LDHB: variants seen among roughly 807,000 people sequenced by gnomAD.
LDHB encodes lactate dehydrogenase B, also known as L-lactate dehydrogenase B chain.
A neutral mutation model predicts 33.4 loss-of-function variants in LDHB; 18 were observed. That is an observed-to-expected ratio of 0.54 (90% CI 0.37 to 0.80). The LOEUF (loss-of-function observed/expected upper bound fraction) is 0.80. LDHB is among the 30% of genes least tolerant of loss of function. The probability of loss-of-function intolerance (pLI) is 0.00; values close to 1 mark genes in which losing one functional copy is unlikely to be tolerated. For synonymous variants in LDHB, 121 were observed against 140.6 expected (o/e 0.86, Z 0.98); for missense variants, 345 against 407.9 (o/e 0.85, Z 1.33).
At chr12:21,655,006 A>G (rs995829657) in intron 1 of LDHB, among the ~76,000 whole-genome samples, 3 of 152,114 alleles carry the variant, frequency 2.0e-5, no homozygotes, top group Non-Finnish European at 2.9e-5. Context: ...CTGTAGTCCT[A>G]ACTACTCAGG....
At chr12:21,639,181 G>A (rs1424976097) in intron 5 of LDHB, among the ~76,000 whole-genome samples, 1 of 151,844 alleles carries the variant, frequency 6.6e-6, no homozygotes, top group Admixed American at 6.6e-5. Flanking sequence ...GCAAGTTAGG[G>A]TAATTGGATA....
Position 21,642,008 on chromosome 12 carries a change from C to T in LDHB, c.539G>A (p.Gly180Asp). 1 of 1,613,538 alleles carries T rather than the reference C, an allele frequency of 6.2e-7. No homozygotes were observed. Among genetic ancestry groups the T allele is most frequent in the Non-Finnish European group, 8.5e-7 (1 of 1,179,692 alleles). ...TCCATGGCAGCTGCTGGGATGAATG[C>T]CAAGTTTTTCAGCCATAAGGTAGCG... ...RFRYLMAEKLGIHPSSCHGWI... is the reference protein window; with the variant it reads ...RFRYLMAEKLDIHPSSCHGWI... The change falls in exon 5 of 8, where the codon GGC (glycine) becomes GAC (aspartate). Residue 180 changes from glycine to aspartate, a missense_variant. Transcript: ENST00000350669.
chr12:21,636,639 G>T (rs998614774), intron 7 of LDHB, among the ~76,000 whole-genome samples: 2 of 151,976 alleles, frequency 1.3e-5, no homozygotes. Flanking sequence ...TTTTAGTTTT[G>T]TTTAAAAAAT....
chr12:21,642,072 C>T lies in LDHB; in HGVS notation c.475G>A (p.Val159Met), dbSNP rs774614448. ...TCCAGATTACATCCACTTCCAATCA[C>T]GCGGTGTTTGGGTAATCCACTTAGT... ...WKLSGLPKHR[V>M]IGSGCNLDSA... is the part of the protein sequence containing the mutation. Residue 159 changes from valine (V) to methionine (M), a missense_variant, in exon 5 of 8, where the codon GTG becomes ATG. Physicochemically the swap from Val to Met is conservative, Grantham distance 21 (BLOSUM62 1). Coordinates refer to ENST00000350669, the MANE Select transcript of LDHB (RefSeq NM_002300.8). The T allele has an allele frequency of 1.3e-5, 21 of 1,613,348 alleles. No individual in the cohort carries two copies. Among genetic ancestry groups the T allele is most frequent in the Admixed American group, 3.3e-5 (2 of 59,932 alleles).
intron 3 of LDHB, 90 bp downstream of exon 3, chr12:21,646,809 A>C (rs1938539069): frequency 1.3e-6 from 1 of 794,832 alleles, no homozygotes; most frequent in Admixed American, 1.7e-5. Context: ...CTACTTACAA[A>C]TAAATCTATT....
chr12:21,652,970 C>A (rs1292610272), intron 2 of LDHB, among the ~76,000 whole-genome samples: 1 of 152,160 alleles, frequency 6.6e-6, no homozygotes. Context: ...GTTATTCAGG[C>A]AGCCTTTACA....
At chr12:21,656,769 G>A (rs1938857424) in intron 1 of LDHB, among the ~76,000 whole-genome samples, 1 of 152,102 alleles carries the variant, frequency 6.6e-6, no homozygotes, top group Admixed American at 6.5e-5. Context: ...CAACATCAGA[G>A]TGCAGGCTGT....
intron 2 of LDHB, among the ~76,000 whole-genome samples, chr12:21,654,017 C>G (rs138774913): frequency 6.6e-6 from 1 of 152,306 alleles, no homozygotes; most frequent in African/African-American, 2.4e-5. Context: ...AAGGACATGA[C>G]ATCACCTAGT....
chr12:21,641,566 T>C (rs191117608), intron 5 of LDHB, among the ~76,000 whole-genome samples: 25 of 152,310 alleles, frequency 1.6e-4, no homozygotes, highest in Non-Finnish European at 3.1e-4. Flanking sequence ...GAGGACACTA[T>C]TGAGACAGTT....
chr12:21,655,975 G>A lies in LDHB; in HGVS notation c.-6-1298C>T, dbSNP rs142940121. On this transcript the variant is annotated intron_variant, in intron 1 of 7. Transcript: ENST00000350669. ...TTCTTCACAATTATTACTTATAATT[G>A]TAGTAGCCCATTGTAATGTCCATGA... 2.5e-3 allele frequency among the ~76,000 whole-genome samples: 377 copies of A among 152,264 alleles called. 2 individuals carry two copies. Among genetic ancestry groups the A allele is most frequent in the African/African-American group, 8.5e-3 (354 of 41,538 alleles).
chr12:21,655,365 T>C lies in LDHB; in HGVS notation c.-6-688A>G, dbSNP rs77683796. Among the ~76,000 whole-genome samples, 1,024 of 152,370 alleles carry C rather than the reference T, an allele frequency of 6.7e-3. 9 individuals carry two copies. The highest frequency in any genetic ancestry group is 0.023 in the African/African-American group (966 of 41,586). ...ATGTAAACTAAGTTTGGGTCTAGTA[T>C]TGACTCATACTTAAGCTTGGATAAA... On this transcript the variant is annotated intron_variant, in intron 1 of 7. Transcript: ENST00000350669.
chr12:21,635,754 G>C, intron 7 of LDHB, 45 bp from the exon 8 acceptor site: 2 of 1,579,712 alleles, frequency 1.3e-6, no homozygotes, highest in Non-Finnish European at 1.7e-6. Flanking sequence ...GAAACTGTAA[G>C]TAAAAATGAT....
At position 21,654,517 on chromosome 12, in the gene LDHB, T is replaced by A. The variant is rs552949573; in HGVS notation, c.129+26A>T. The A allele has an allele frequency of 3.7e-6, 6 of 1,612,002 alleles. No homozygotes were observed. In the Admixed American group the frequency reaches 6.7e-5, roughly 18 times the overall value. On this transcript the variant is annotated intron_variant, in intron 2 of 7. Transcript: ENST00000350669. Reference sequence around the variant, plus strand: ...TGTGTATACATGCTGAACTTCTCTATCATCTATGGTGTTCTTGAAATGTAC... The same window carrying A: ...TGTGTATACATGCTGAACTTCTCTAACATCTATGGTGTTCTTGAAATGTAC...
chr12:21,635,558 T>G lies in LDHB; in HGVS notation c.989A>C (p.Asp330Ala). ...GCTCACTAGTCACAGGTCTTTTAGG[T>G]CCTTCTGGATGTCCCACAGGGTATC... Reference protein sequence around the residue: ...SADTLWDIQKDLKDL With the variant: ...SADTLWDIQKALKDL The change falls in exon 8 of 8, where the codon GAC becomes GCC. Residue 330 changes from aspartate to alanine, a missense_variant. Coordinates refer to ENST00000350669, the MANE Select transcript of LDHB (RefSeq NM_002300.8). 1 of 1,612,078 alleles carries G rather than the reference T, an allele frequency of 6.2e-7. No individual in the cohort carries two copies. Among genetic ancestry groups the G allele is most frequent in the Non-Finnish European group, 8.5e-7 (1 of 1,179,770 alleles).
At chr12:21,654,236 C>T (rs1938772981) in intron 2 of LDHB, 1 of 361,664 alleles carries the variant, frequency 2.8e-6, no homozygotes. Flanking sequence ...GTGAAAATAG[C>T]TATAAACGGC....
intron 1 of LDHB, among the ~76,000 whole-genome samples, chr12:21,655,138 A>G (rs1311314457): frequency 6.6e-6 from 1 of 152,188 alleles, no homozygotes; most frequent in African/African-American, 2.4e-5. Flanking sequence ...AAAGAAAAAA[A>G]AGAACCATGA....
chr12:21,651,375 T>C (rs900291582), intron 2 of LDHB, among the ~76,000 whole-genome samples: 1 of 152,196 alleles, frequency 6.6e-6, no homozygotes, highest in East Asian at 1.9e-4. Context: ...ATATAAGCAA[T>C]GGGCTGCAGA....
At chr12:21,640,555 A>G (rs2136964321) in intron 5 of LDHB, among the ~76,000 whole-genome samples, 1 of 152,226 alleles carries the variant, frequency 6.6e-6, no homozygotes, top group South Asian at 2.1e-4. Flanking sequence ...ATAGAAGAGT[A>G]GATACAAGTT....
chr12:21,642,092 C>T lies in LDHB; in HGVS notation c.455G>A (p.Ser152Asn), dbSNP rs1351172250. 1 of 1,613,456 alleles carries T rather than the reference C, an allele frequency of 6.2e-7. No homozygotes were observed. Among genetic ancestry groups the T allele is most frequent in the Admixed American group, 1.7e-5 (1 of 59,960 alleles). The change falls in exon 5 of 8, where the codon AGT (serine) becomes AAT (asparagine). Residue 152 changes from serine (S) to asparagine (N), a missense_variant. Transcript: ENST00000350669. The part of the protein sequence containing the change: ...DILTYVTWKL[S>N]GLPKHRVIGS... ...AATCACGCGGTGTTTGGGTAATCCA[C>T]TTAGTTTCCAGGTAACATACGTAAG...
Sources: gnomAD v4.1 joint callset for allele counts (sites outside exome capture counted in the v4.1 genomes callset) on GRCh38, gnomAD v4.1.1 for gene constraint, MANE v1.5 for transcripts, NCBI Gene and HGNC (gene_info 2026-07-23, HGNC 2026-07-21) for gene names.